BABAM2: variants seen among roughly 807,000 people sequenced by gnomAD.
BABAM2 encodes BRISC and BRCA1 A complex member 2.
BABAM2 carries 31 observed loss-of-function variants against 54.7 expected under a neutral mutation model. The ratio of observed to expected loss-of-function variants is 0.57; its 90% CI spans 0.43 to 0.77. The LOEUF (loss-of-function observed/expected upper bound fraction) is 0.77, where lower values mean the gene tolerates loss of function less well. Ranked by LOEUF, BABAM2 falls within the 30% of genes least tolerant of loss-of-function variation. The probability of loss-of-function intolerance (pLI) is 0.00; values close to 1 mark genes in which losing one functional copy is unlikely to be tolerated. For synonymous variants in BABAM2, 167 were observed against 162.9 expected (o/e 1.03, Z -0.19); for missense variants, 364 against 455.8 (o/e 0.80, Z 1.83).
chr2:27,965,010 T>C (rs1191671995), intron 3 of BABAM2, among the ~76,000 whole-genome samples: 1 of 152,178 alleles, frequency 6.6e-6, no homozygotes, highest in Non-Finnish European at 1.5e-5. Flanking sequence ...ATAACTGCCT[T>C]ATTGGAGATG....
At chr2:28,044,387 G>A (rs994790684) in intron 5 of BABAM2, among the ~76,000 whole-genome samples, 2 of 152,042 alleles carry the variant, frequency 1.3e-5, no homozygotes, top group Non-Finnish European at 2.9e-5. Flanking sequence ...GTGCCACCAC[G>A]CCCGGCTAAT....
chr2:28,053,069 A>C (rs978332663), intron 6 of BABAM2, among the ~76,000 whole-genome samples: 6 of 152,314 alleles, frequency 3.9e-5, no homozygotes, highest in South Asian at 2.1e-4. Context: ...AAAATCCAGC[A>C]AGCTTGTTAG....
At chr2:27,939,753 T>C (rs1668740639) in intron 3 of BABAM2, among the ~76,000 whole-genome samples, 1 of 152,222 alleles carries the variant, frequency 6.6e-6, no homozygotes, top group African/African-American at 2.4e-5. Context: ...AAATATTTTA[T>C]GTATTGGAAA....
intron 2 of BABAM2, among the ~76,000 whole-genome samples, chr2:27,926,677 G>A (rs911163571): frequency 7.2e-5 from 11 of 152,128 alleles, no homozygotes; most frequent in African/African-American, 2.4e-4. Context: ...TGAGACGGTA[G>A]ATCTTCTCTG....
At chr2:28,276,547 G>A (rs1378746843) in intron 10 of BABAM2, among the ~76,000 whole-genome samples, 1 of 152,154 alleles carries the variant, frequency 6.6e-6, no homozygotes, top group African/African-American at 2.4e-5. Context: ...TGGGTAACGT[G>A]CCCATTGAGC....
chr2:27,924,503 G>C (rs1235643771), intron 2 of BABAM2, among the ~76,000 whole-genome samples: 1 of 151,978 alleles, frequency 6.6e-6, no homozygotes, highest in Non-Finnish European at 1.5e-5. Flanking sequence ...TCCTTCCTCA[G>C]CCTCCCTAGT....
At chr2:27,932,399 C>T (rs977096920) in intron 3 of BABAM2, among the ~76,000 whole-genome samples, 1 of 152,220 alleles carries the variant, frequency 6.6e-6, no homozygotes, top group African/African-American at 2.4e-5. Context: ...TTTTAATTTT[C>T]CCTAGGGATT....
intron 3 of BABAM2, among the ~76,000 whole-genome samples, chr2:27,973,627 G>T (rs1671380679): frequency 6.6e-6 from 1 of 152,150 alleles, no homozygotes; most frequent in Non-Finnish European, 1.5e-5. Context: ...AAGAAAAGGT[G>T]CCACTGGGAG....
intron 11 of BABAM2, chr2:28,308,819 C>T (rs1688795463): frequency 6.3e-6 from 1 of 159,488 alleles, no homozygotes; most frequent in African/African-American, 2.4e-5. Context: ...GTCTCTGCCA[C>T]TCACAGGCTA....
intron 6 of BABAM2, among the ~76,000 whole-genome samples, chr2:28,060,331 G>T (rs765056260): frequency 6.6e-6 from 1 of 152,034 alleles, no homozygotes; most frequent in Non-Finnish European, 1.5e-5. Flanking sequence ...TAGGAATCTA[G>T]GAATGGAAAG....
chr2:28,337,209 G>A (rs895127049), intron 11 of BABAM2, among the ~76,000 whole-genome samples: 3 of 152,076 alleles, frequency 2.0e-5, no homozygotes, highest in Non-Finnish European at 2.9e-5. Flanking sequence ...CCAGGAGCAC[G>A]GGTGCCCACC....
At chr2:28,050,955 A>G (rs1677953032) in intron 6 of BABAM2, among the ~76,000 whole-genome samples, 1 of 152,196 alleles carries the variant, frequency 6.6e-6, no homozygotes, top group Non-Finnish European at 1.5e-5. Context: ...ACTGAGAGAT[A>G]AAACCAGGAA....
chr2:28,331,361 A>G (rs189227642), intron 11 of BABAM2, among the ~76,000 whole-genome samples: 1 of 152,368 alleles, frequency 6.6e-6, no homozygotes, highest in African/African-American at 2.4e-5. Flanking sequence ...AGCAAAAGAA[A>G]CTGTCTTCAA....
chr2:28,336,747 G>C (rs1363023196), intron 11 of BABAM2, among the ~76,000 whole-genome samples: 1 of 152,270 alleles, frequency 6.6e-6, no homozygotes, highest in Non-Finnish European at 1.5e-5. Flanking sequence ...CTTGAAGGGG[G>C]CGGGCAGCCG....
At chr2:28,123,694 G>T (rs774316873) in intron 6 of BABAM2, among the ~76,000 whole-genome samples, 9 of 152,160 alleles carry the variant, frequency 5.9e-5, no homozygotes, top group Non-Finnish European at 1.2e-4. Context: ...AATTCTATGG[G>T]CTTGTTTAAG....
At chr2:28,158,936 C>T (rs541997318) in intron 7 of BABAM2, among the ~76,000 whole-genome samples, 39 of 152,128 alleles carry the variant, frequency 2.6e-4, no homozygotes, top group Non-Finnish European at 4.4e-4. Context: ...TGTCTGGCGG[C>T]CTTGATTCTG....
At chr2:28,077,861 T>A (rs1169704124) in intron 6 of BABAM2, among the ~76,000 whole-genome samples, 1 of 152,122 alleles carries the variant, frequency 6.6e-6, no homozygotes, top group Admixed American at 6.6e-5. Context: ...CATGATTATA[T>A]CAAGAAAATT....
chr2:28,117,741 G>T (rs928483833), intron 6 of BABAM2, among the ~76,000 whole-genome samples: 1 of 152,170 alleles, frequency 6.6e-6, no homozygotes, highest in Non-Finnish European at 1.5e-5. Context: ...GCTGTTCCCA[G>T]GTATTAGGAC....
chr2:28,057,275 A>T (rs920086299), intron 6 of BABAM2, among the ~76,000 whole-genome samples: 6 of 152,184 alleles, frequency 3.9e-5, no homozygotes, highest in African/African-American at 7.2e-5. Context: ...AGAAGACCAT[A>T]CTTCCTTGTC....
Sources: allele counts gnomAD v4.1 joint callset (sites outside exome capture counted in the v4.1 genomes callset), GRCh38; gene constraint gnomAD v4.1.1; transcripts MANE v1.5; gene names NCBI Gene and HGNC (gene_info 2026-07-23, HGNC 2026-07-21).